Variants in ERC2 observed in about 807,000 individuals in gnomAD.
ERC2 encodes ELKS/RAB6-interacting/CAST family member 2.
A neutral mutation model predicts 114.8 loss-of-function variants in ERC2; 42 were observed. The ratio of observed to expected loss-of-function variants is 0.37; its 90% confidence interval spans 0.29 to 0.47. ERC2 has a LOEUF of 0.47. Ranked by LOEUF, ERC2 falls within the 20% of genes least tolerant of loss-of-function variation. The probability of loss-of-function intolerance (pLI) is 0.99; values close to 1 mark genes in which losing one functional copy is unlikely to be tolerated. For synonymous variants in ERC2, 454 were observed against 425.5 expected (o/e 1.07, Z -0.82); for missense variants, 939 against 1,150.7 (o/e 0.82, Z 2.66).
intron 14 of ERC2, among the ~76,000 whole-genome samples, chr3:55,762,409 A>G (rs1306818171): frequency 6.6e-6 from 1 of 152,200 alleles, no homozygotes; most frequent in East Asian, 1.9e-4. Flanking sequence ...CTGATATTGA[A>G]GCCACTGAAA....
intron 15 of ERC2, among the ~76,000 whole-genome samples, chr3:55,727,970 T>C (rs532492642): frequency 1.3e-4 from 20 of 152,282 alleles, no homozygotes; most frequent in African/African-American, 4.6e-4. Flanking sequence ...GGCCTCATCT[T>C]CTCTATCAAG....
intron 17 of ERC2, among the ~76,000 whole-genome samples, chr3:55,652,297 G>C (rs1178577466): frequency 1.3e-5 from 2 of 152,190 alleles, no homozygotes; most frequent in African/African-American, 4.8e-5. Flanking sequence ...AGGCATTCTG[G>C]AACAGTTTTA....
chr3:55,666,984 T>C (rs1437732417), intron 17 of ERC2, among the ~76,000 whole-genome samples: 2 of 152,240 alleles, frequency 1.3e-5, no homozygotes, highest in African/African-American at 2.4e-5. Context: ...CAATATCTTA[T>C]ATGTATACAT....
intron 2 of ERC2, among the ~76,000 whole-genome samples, chr3:56,379,699 T>C (rs2059676416): frequency 1.3e-5 from 2 of 152,024 alleles, no homozygotes. Flanking sequence ...CTGACATGAG[T>C]GTGCATATCA....
At chr3:55,848,598 A>G (rs905945974) in intron 14 of ERC2, among the ~76,000 whole-genome samples, 3 of 152,072 alleles carry the variant, frequency 2.0e-5, no homozygotes, top group African/African-American at 7.2e-5. Context: ...ACTCCCAATA[A>G]TTGCTTGCTC....
At chr3:56,197,084 C>T (rs2048153502) in intron 3 of ERC2, among the ~76,000 whole-genome samples, 1 of 152,166 alleles carries the variant, frequency 6.6e-6, no homozygotes, top group Non-Finnish European at 1.5e-5. Context: ...TTGGTACTGG[C>T]TTTGCACATG....
chr3:56,375,106 T>C (rs12494857), intron 2 of ERC2, among the ~76,000 whole-genome samples: 9,832 of 152,208 alleles, frequency 0.065, 464 homozygotes, highest in Admixed American at 0.15. Context: ...AGGTTGCATT[T>C]GTCCACCACA....
intron 7 of ERC2, among the ~76,000 whole-genome samples, chr3:56,078,937 T>C (rs1157003884): frequency 6.6e-6 from 1 of 150,938 alleles, no homozygotes; most frequent in Non-Finnish European, 1.5e-5. Flanking sequence ...ATTAAAAAAA[T>C]AAAACTGGAT....
rs893275926 is a variant in ERC2, at chr3:55,742,824, A to G, written c.2565-7906T>C. On this transcript the variant is annotated intron_variant, in intron 14 of 17. Coordinates refer to ENST00000288221, the MANE Select transcript of ERC2 (RefSeq NM_015576.3). ...TAAATTTTAAAAGCTGTGTTTTCAA[A>G]TGGCATCTTGAGAAAGAAAAGTTCT... Among the ~76,000 whole-genome samples, 16 of 152,324 alleles carry G rather than the reference A, an allele frequency of 1.1e-4. 2 individuals are homozygous for G. The highest frequency in any genetic ancestry group is 1.9e-4 in the Non-Finnish European group (13 of 68,036).
At chr3:55,887,226 C>T (rs935730123) in intron 14 of ERC2, among the ~76,000 whole-genome samples, 1 of 152,044 alleles carries the variant, frequency 6.6e-6, no homozygotes, top group Non-Finnish European at 1.5e-5. Context: ...ATTATATTAT[C>T]TTTTATTAGA....
At chr3:55,978,700 C>G (rs994720389) in intron 12 of ERC2, among the ~76,000 whole-genome samples, 1 of 152,156 alleles carries the variant, frequency 6.6e-6, no homozygotes, top group Non-Finnish European at 1.5e-5. Flanking sequence ...TTTACAGATA[C>G]AGAGATAGGC....
intron 3 of ERC2, among the ~76,000 whole-genome samples, chr3:56,220,883 T>C (rs1219609184): frequency 6.6e-6 from 1 of 152,044 alleles, no homozygotes; most frequent in Non-Finnish European, 1.5e-5. Context: ...CCACCAACTA[T>C]AGAAAGGAGG....
chr3:55,665,972 G>C (rs970062017), intron 17 of ERC2, among the ~76,000 whole-genome samples: 2 of 152,216 alleles, frequency 1.3e-5, no homozygotes, highest in South Asian at 4.1e-4. Context: ...TCCAGACTCT[G>C]TTGCATTATC....
intron 16 of ERC2, among the ~76,000 whole-genome samples, chr3:55,698,207 G>C (rs1397419603): frequency 6.6e-6 from 1 of 151,978 alleles, no homozygotes; most frequent in East Asian, 1.9e-4. Flanking sequence ...TGGGGTCTCG[G>C]AGGGCAAAAG....
In ERC2 at chr3:55,618,040, G is replaced by C. The variant is rs552311095; in HGVS notation, c.*39+65754C>G. On this transcript the variant is annotated intron_variant, in intron 17 of 17. Coordinates refer to ENST00000288221, the MANE Select transcript of ERC2 (RefSeq NM_015576.3). ...GGAGAGAAACTATACAAATCTCGGT[G>C]GTGGGAGAAATGGAGTATATCATAT... is the stretch of plus-strand genomic sequence containing the variant. Among the ~76,000 whole-genome samples the C allele has an allele frequency of 2.0e-5, 3 of 152,116 alleles. No homozygotes were observed. In the East Asian group the frequency reaches 5.8e-4, roughly 29 times the overall value.
chr3:56,362,456 C>A (rs1028170480), intron 2 of ERC2, among the ~76,000 whole-genome samples: 2 of 152,148 alleles, frequency 1.3e-5, no homozygotes, highest in Non-Finnish European at 2.9e-5. Flanking sequence ...TCAGATAAAC[C>A]AGCCCCTTCT....
chr3:55,908,116 A>G (rs749125792), intron 13 of ERC2, among the ~76,000 whole-genome samples: 1 of 152,176 alleles, frequency 6.6e-6, no homozygotes, highest in Non-Finnish European at 1.5e-5. Context: ...AGGAAGGGAA[A>G]TGCCCTTTAG....
At chr3:56,360,051 T>C (rs1188161177) in intron 2 of ERC2, among the ~76,000 whole-genome samples, 1 of 142,066 alleles carries the variant, frequency 7.0e-6, no homozygotes, top group African/African-American at 2.6e-5. Flanking sequence ...CCCTCAATAG[T>C]AACAAAAATC....
intron 15 of ERC2, among the ~76,000 whole-genome samples, chr3:55,716,376 C>G (rs756107050): frequency 1.2e-4 from 18 of 152,318 alleles, no homozygotes; most frequent in Non-Finnish European, 1.6e-4. Context: ...GCCTCCATAA[C>G]AGTTGGGTTC....
Sources: allele counts gnomAD v4.1 joint callset (sites outside exome capture counted in the v4.1 genomes callset), GRCh38; gene constraint gnomAD v4.1.1; transcripts MANE v1.5; gene names NCBI Gene and HGNC (gene_info 2026-07-23, HGNC 2026-07-21).